EPGN: variants seen among roughly 807,000 people sequenced by gnomAD.
EPGN encodes the protein epigen.
Under a neutral mutation model 20.7 loss-of-function variants are expected in EPGN, and 21 were observed. The observed-to-expected ratio is 1.01, with a 90% confidence interval of 0.72 to 1.46. EPGN has a LOEUF of 1.46. Among genes scored for constraint, EPGN ranks in the 40% most tolerant of loss-of-function variants. The pLI is 0.00. For synonymous variants in EPGN, 69 were observed against 63.8 expected, an observed-to-expected ratio of 1.08 and a Z score of -0.39; for missense variants, 199 against 180.7, an observed-to-expected ratio of 1.10 and a Z score of -0.58.
At position 74,308,481 on chromosome 4, in the gene EPGN, TC is replaced by T; in HGVS notation, c.-51del. 1 of 1,481,136 alleles carries T rather than the reference TC, an allele frequency of 6.8e-7. No individual in the cohort carries two copies. The highest frequency in any genetic ancestry group is 9.3e-7 in the Non-Finnish European group (1 of 1,080,094). The allele number at this position is 1,481,136 out of a possible 1,614,324, so 91.7% of individuals were successfully genotyped here. A position where few individuals can be genotyped will look rare whatever the true frequency, so the allele number is the denominator to read the frequency against. ...GACTCAGAGAGCTCAATAAAAACCT[TC>T]CACCCGTCAGTCTAGAAGGATAAGA... On this transcript the variant is annotated 5_prime_UTR_variant, in exon 1 of 5. Transcript: ENST00000413830.
chr4:74,311,489 TAATC>T (rs1452302815), intron 2 of EPGN, among the ~76,000 whole-genome samples: 3 of 152,222 alleles, frequency 2.0e-5, no homozygotes, highest in Non-Finnish European at 4.4e-5. Context: ...AAGATTCTCT[TAATC>T]TTAGCAAGGC....
At chr4:74,314,355 G>A in intron 4 of EPGN, 1 of 588,402 alleles carries the variant, frequency 1.7e-6, no homozygotes, top group Non-Finnish European at 3.0e-6. Flanking sequence ...TAATCTCCCA[G>A]CAATCTCCTG....
intron 2 of EPGN, among the ~76,000 whole-genome samples, chr4:74,310,185 G>C (rs1750822661): frequency 1.3e-5 from 2 of 152,038 alleles, no homozygotes; most frequent in African/African-American, 2.4e-5. Flanking sequence ...ATACTGGCCT[G>C]GCACAGTGGC....
In EPGN at chr4:74,313,238, A is replaced by G. The variant is rs756863135; in HGVS notation, c.407+68A>G. 1.3e-5 allele frequency: 20 copies of G among 1,531,892 alleles called. No homozygotes were observed. In the Admixed American group the frequency reaches 3.8e-4, roughly 29 times the overall value. The allele number at this position is 1,531,892 out of a possible 1,614,324, so 94.9% of individuals were successfully genotyped here. A position where few individuals can be genotyped will look rare whatever the true frequency, so the allele number is the denominator to read the frequency against. On this transcript the variant is annotated intron_variant, in intron 4 of 4. Transcript: ENST00000413830. Reference sequence around the variant, plus strand: ...TTTGACAAATAGTTATTCAGGCCCTATAATGTGTCAGGCACTGACATGTAA... The same window carrying G: ...TTTGACAAATAGTTATTCAGGCCCTGTAATGTGTCAGGCACTGACATGTAA...
intron 2 of EPGN, among the ~76,000 whole-genome samples, chr4:74,310,549 A>G (rs1750869039): frequency 6.6e-6 from 1 of 151,556 alleles, no homozygotes; most frequent in Non-Finnish European, 1.5e-5. Flanking sequence ...ACTTCGTAAT[A>G]GCATGCTCAG....
chr4:74,313,012 T>G lies in EPGN; in HGVS notation c.255-6T>G. ...TTAAAATTAAACTTTTTTTCTTTTT[T>G]TAAAGGTGTTTTACTGGTTATACTG... is the stretch of plus-strand genomic sequence containing the variant. On this transcript the variant is annotated splice_polypyrimidine_tract_variant and splice_region_variant and intron_variant, in intron 3 of 4. Coordinates refer to ENST00000413830, the MANE Select transcript of EPGN (RefSeq NM_001270989.2). 1 of 1,581,036 alleles carries G rather than the reference T, an allele frequency of 6.3e-7. No individual in the cohort carries two copies. Among genetic ancestry groups the G allele is most frequent in the East Asian group, 2.3e-5 (1 of 44,132 alleles).
At chr4:74,308,623 G>A (rs1750688208) in intron 1 of EPGN, 47 bp downstream of exon 1, 1 of 1,512,030 alleles carries the variant, frequency 6.6e-7, no homozygotes, top group Non-Finnish European at 9.1e-7. Context: ...AGTGTAAAAT[G>A]TGAATAGAAT....
chr4:74,308,574 A>G lies in EPGN; in HGVS notation c.41A>G (p.Asn14Ser). Reference protein sequence around the residue: ...GVPISVYLLFNAMTALTEEAA... With the variant: ...GVPISVYLLFSAMTALTEEAA... ...CCAATATCAGTCTATCTTTTATTCA[A>G]CGGTAGGTAATTTCCTTTTGTTTTG... Residue 14 changes from asparagine to serine, a missense_variant and splice_region_variant, in exon 1 of 5, where the codon AAC becomes AGC. By Grantham distance (46) the Asn-to-Ser change is conservative. Coordinates refer to ENST00000413830, the MANE Select transcript of EPGN (RefSeq NM_001270989.2). 1 of 1,609,270 alleles carries G rather than the reference A, an allele frequency of 6.2e-7. No homozygotes were observed. Among genetic ancestry groups the G allele is most frequent in the Non-Finnish European group, 8.5e-7 (1 of 1,177,158 alleles).
At chr4:74,314,246 A>G (rs540537171) in intron 4 of EPGN, 10 of 501,446 alleles carry the variant, frequency 2.0e-5, no homozygotes, top group South Asian at 7.9e-5. Context: ...TAGAATGTGA[A>G]TAGCAGTGTA....
intron 1 of EPGN, among the ~76,000 whole-genome samples, 163 bp downstream of exon 1, chr4:74,308,739 G>C (rs1750695923): frequency 6.6e-6 from 1 of 152,156 alleles, no homozygotes; most frequent in Non-Finnish European, 1.5e-5. Flanking sequence ...TGTCCTGTAT[G>C]TTCCTTTCCT....
rs1175876580 is a variant in EPGN, at chr4:74,316,340, T to A, written c.*1703T>A. 1.3e-5 allele frequency among the ~76,000 whole-genome samples: 2 copies of A among 152,184 alleles called. No individual in the cohort carries two copies. The highest frequency in any genetic ancestry group is 2.9e-5 in the Non-Finnish European group (2 of 68,034). On this transcript the variant is annotated 3_prime_UTR_variant, in exon 5 of 5. Coordinates refer to ENST00000413830, the MANE Select transcript of EPGN (RefSeq NM_001270989.2). ...AACAATGGACTCTTTTTTTTTCCATTTGTGATGTAGATAAGCAAGACAATT... is the reference window on the plus strand; with the variant it reads ...AACAATGGACTCTTTTTTTTTCCATATGTGATGTAGATAAGCAAGACAATT...
At position 74,314,658 on chromosome 4, in the gene EPGN, A is replaced by C; in HGVS notation, c.*21A>C. On this transcript the variant is annotated 3_prime_UTR_variant, in exon 5 of 5. Coordinates refer to ENST00000413830, the MANE Select transcript of EPGN (RefSeq NM_001270989.2). ...TGTGAGGCCTTTGTGAAGAATTTTC[A>C]TCAAGGCATCTGTAGAGATCAGTGA... 6.5e-7 allele frequency: 1 copy of C among 1,535,330 alleles called. No homozygotes were observed. Among genetic ancestry groups the C allele is most frequent in the Non-Finnish European group, 8.7e-7 (1 of 1,146,162 alleles).
chr4:74,314,502 C>T, intron 4 of EPGN, 78 bp from the exon 5 acceptor site: 1 of 1,397,822 alleles, frequency 7.2e-7, no homozygotes, highest in Non-Finnish European at 9.8e-7. Context: ...GCAACTGCTG[C>T]AGGGTGCATT....
intron 3 of EPGN, 112 bp from the exon 4 acceptor site, chr4:74,312,906 T>G: frequency 5.5e-6 from 5 of 915,930 alleles, no homozygotes; most frequent in South Asian, 5.4e-5. Flanking sequence ...GGTATTTGCC[T>G]CTTTAATTTA....
At chr4:74,313,264 A>C in intron 4 of EPGN, 94 bp downstream of exon 4, 2 of 1,427,578 alleles carry the variant, frequency 1.4e-6, no homozygotes, top group Non-Finnish European at 1.8e-6. Context: ...TGACATGTAA[A>C]ATTTTTTTAA....
intron 4 of EPGN, chr4:74,313,471 G>A: frequency 8.1e-7 from 1 of 1,241,472 alleles, no homozygotes; most frequent in Non-Finnish European, 1.0e-6. Context: ...AAGAAAGTAG[G>A]GACTAAGTAT....
chr4:74,312,187 G>A lies in EPGN; in HGVS notation c.136G>A (p.Asp46Asn). 1 of 1,596,462 alleles carries A rather than the reference G, an allele frequency of 6.3e-7. No homozygotes were observed. Among genetic ancestry groups the A allele is most frequent in the Non-Finnish European group, 8.5e-7 (1 of 1,174,052 alleles). Residue 46 changes from aspartate (D) to asparagine (N), a missense_variant and splice_region_variant, in exon 3 of 5, where the codon GAC becomes AAC. Transcript: ENST00000413830. The stretch of plus-strand genomic sequence containing the variant: ...AACATTGTATCTCCTTTTCCTAGCT[G>A]ACAACATAGAAGGACCCATAGCCTT... ...GNWTVNKTEADNIEGPIALKF... is the reference protein window; with the variant it reads ...GNWTVNKTEANNIEGPIALKF...
chr4:74,309,581 G>A (rs1325556760), intron 2 of EPGN, among the ~76,000 whole-genome samples: 1 of 139,790 alleles, frequency 7.2e-6, no homozygotes, highest in East Asian at 1.9e-4. Flanking sequence ...ATGGCTACAA[G>A]ATGAACAGCA....
At chr4:74,313,363 C>T in intron 4 of EPGN, 193 bp downstream of exon 4, 1 of 1,396,136 alleles carries the variant, frequency 7.2e-7, no homozygotes, top group Non-Finnish European at 9.2e-7. Flanking sequence ...TAAAAATTTG[C>T]CTTCAGTTGT....
Sources: gnomAD v4.1 joint callset for allele counts (sites outside exome capture counted in the v4.1 genomes callset) on GRCh38, gnomAD v4.1.1 for gene constraint, MANE v1.5 for transcripts, NCBI Gene and HGNC (gene_info 2026-07-23, HGNC 2026-07-21) for gene names.